The following CCDC88C variants were observed in gnomAD, a reference collection of about 807,000 sequenced individuals.
The protein encoded by CCDC88C is coiled-coil and HOOK domain protein 88C.
CCDC88C carries 131 observed loss-of-function variants against 198.8 expected under a neutral mutation model. The observed-to-expected ratio is 0.66, with a 90% confidence interval of 0.57 to 0.76. The LOEUF (loss-of-function observed/expected upper bound fraction) is 0.76, where lower values mean the gene tolerates loss of function less well. Among genes scored for constraint, CCDC88C ranks in the 30% least tolerant of loss-of-function variants. CCDC88C has a pLI of 0.00. For synonymous variants in CCDC88C, 1,166 were observed against 1,114.7 expected, an observed-to-expected ratio of 1.05 and a Z score of -0.92; for missense variants, 2,553 against 2,631.6, an observed-to-expected ratio of 0.97 and a Z score of 0.65.
chr14:91,369,332 A>G (rs181435754), intron 3 of CCDC88C, among the ~76,000 whole-genome samples: 249 of 152,116 alleles, frequency 1.6e-3, no homozygotes, highest in Admixed American at 3.8e-3. Context: ...TCAGCTTCCG[A>G]AGTAGCTGGG....
At chr14:91,309,289 T>C (rs74362162) in intron 16 of CCDC88C, among the ~76,000 whole-genome samples, 2,542 of 152,136 alleles carry the variant, frequency 0.017, 54 homozygotes, top group African/African-American at 0.058. Context: ...AAAACTGTAA[T>C]AGTCTAATTT....
chr14:91,297,549 G>T, intron 21 of CCDC88C, 58 bp from the exon 22 acceptor site: 2 of 1,520,872 alleles, frequency 1.3e-6, no homozygotes, highest in Non-Finnish European at 1.8e-6. Flanking sequence ...ACAGGTAACG[G>T]CCCAGAGACC....
intron 5 of CCDC88C, among the ~76,000 whole-genome samples, chr14:91,343,034 A>G (rs1369745411): frequency 6.6e-6 from 1 of 152,224 alleles, no homozygotes; most frequent in Non-Finnish European, 1.5e-5. Context: ...GGCTCACTGC[A>G]GCCTCAAACT....
intron 20 of CCDC88C, among the ~76,000 whole-genome samples, chr14:91,301,060 A>T (rs1193927320): frequency 1.3e-5 from 2 of 152,302 alleles, no homozygotes; most frequent in South Asian, 4.1e-4. Flanking sequence ...TTAATCAAGC[A>T]TGTCTCTAAC....
intron 3 of CCDC88C, among the ~76,000 whole-genome samples, chr14:91,393,281 T>C (rs1340979364): frequency 1.3e-5 from 2 of 152,112 alleles, no homozygotes; most frequent in East Asian, 1.9e-4. Context: ...AGCTGGGAGA[T>C]GACAGGTCCA....
At position 91,309,972 on chromosome 14, in the gene CCDC88C, C is replaced by T; in HGVS notation, c.2751G>A (p.Glu917=). The T allele has an allele frequency of 1.3e-6, 2 of 1,599,684 alleles. No individual in the cohort carries two copies. Among genetic ancestry groups the T allele is most frequent in the Non-Finnish European group, 1.7e-6 (2 of 1,173,324 alleles). The change falls in exon 16 of 30, where the codon GAG becomes GAA. Residue 917 remains glutamate, a synonymous_variant. Transcript: ENST00000389857. ...LTTLREDLVL[E]KLKSQQLSSE... is the part of the protein sequence containing the mutation. Reference sequence around the variant, plus strand: ...TGCTGAGCTGCTGGCTCTTCAGCTTCTCGAGCACCAGGTCCTGGAATGATG... The same window carrying T: ...TGCTGAGCTGCTGGCTCTTCAGCTTTTCGAGCACCAGGTCCTGGAATGATG...
chr14:91,313,263 C>T lies in CCDC88C; in HGVS notation c.2553G>A (p.Lys851=), dbSNP rs1051150148. Residue 851 remains lysine, a synonymous_variant, in exon 15 of 30, where the codon AAG becomes AAA. Coordinates refer to ENST00000389857, the MANE Select transcript of CCDC88C (RefSeq NM_001080414.4). This position sits in a 1 kb window ranked among gnomAD's most constrained non-coding sequence, Gnocchi z 5.2. Reference sequence around the variant, plus strand: ...CAGTGCTATCGTCCAAGACTGCATCCTTGAGCTCCACCTGCTGCCACAGCC... The same window carrying T: ...CAGTGCTATCGTCCAAGACTGCATCTTTGAGCTCCACCTGCTGCCACAGCC... ...AKRLWQQVEL[K]DAVLDDSTAK... The T allele has an allele frequency of 3.1e-6, 5 of 1,614,030 alleles. No homozygotes were observed. Among genetic ancestry groups the T allele is most frequent in the Admixed American group, 1.7e-5 (1 of 60,034 alleles).
rs1760133315 is a variant in CCDC88C, at chr14:91,288,150, AGTG to A, written c.4441+952_4441+954del. Among the ~76,000 whole-genome samples the A allele has an allele frequency of 6.6e-6, 1 of 152,244 alleles. No individual in the cohort carries two copies. Among genetic ancestry groups the A allele is most frequent in the Admixed American group, 6.5e-5 (1 of 15,284 alleles). On this transcript the variant is annotated intron_variant, in intron 25 of 29. Coordinates refer to ENST00000389857, the MANE Select transcript of CCDC88C (RefSeq NM_001080414.4). The surrounding 1 kb of genome is among the most constrained non-coding windows in gnomAD (Gnocchi z 4.2). ...CAACAAGAGCGTAAGAAAAATTCGA[AGTG>A]GTGGCCCTGTACCGTTTGATTGCCT...
chr14:91,401,127 A>G (rs928417249), intron 3 of CCDC88C, among the ~76,000 whole-genome samples: 1 of 149,974 alleles, frequency 6.7e-6, no homozygotes, highest in African/African-American at 2.4e-5. Flanking sequence ...ACACACACAC[A>G]AAGCAAGCAC....
rs1891525823 is a variant in CCDC88C, at chr14:91,305,706, G to A, written c.3357+59C>T. ...CCTAATGCCCCCAGTTGGTCCCCAG[G>A]AGCCACAGATAAACATCCCGCCAGG... On this transcript the variant is annotated intron_variant, in intron 19 of 29. Coordinates refer to ENST00000389857, the MANE Select transcript of CCDC88C (RefSeq NM_001080414.4). 4.8e-5 allele frequency: 74 copies of A among 1,537,162 alleles called. No individual in the cohort carries two copies. The South Asian group carries it at 7.1e-4, about 15-fold the overall frequency.
At chr14:91,380,099 C>G (rs553234011) in intron 3 of CCDC88C, among the ~76,000 whole-genome samples, 3 of 152,290 alleles carry the variant, frequency 2.0e-5, no homozygotes, top group South Asian at 2.1e-4. Flanking sequence ...GTCCCTCCCC[C>G]ACCTCATTCA....
At position 91,339,900 on chromosome 14, in the gene CCDC88C, C is replaced by G. The variant is rs890235261; in HGVS notation, c.608G>C (p.Arg203Pro). The G allele has an allele frequency of 6.3e-7, 1 of 1,589,422 alleles. No individual in the cohort carries two copies. The highest frequency in any genetic ancestry group is 1.3e-5 in the African/African-American group (1 of 74,278). Residue 203 changes from arginine to proline, a missense_variant, in exon 7 of 30, where the codon CGG becomes CCG. Transcript: ENST00000389857. This position sits in a 1 kb window ranked among gnomAD's most constrained non-coding sequence, Gnocchi z 5.8. ...CGGACGCACCTCGGTGCACTCGTCC[C>G]GCTGGTCGATGAGCCTCCGCAGGTG... ...VLHLRRLIDQRDECTELIVDL... is the reference protein window; with the variant it reads ...VLHLRRLIDQPDECTELIVDL...
chr14:91,320,880 C>T (rs1323870697), intron 13 of CCDC88C, among the ~76,000 whole-genome samples: 1 of 152,174 alleles, frequency 6.6e-6, no homozygotes, highest in Non-Finnish European at 1.5e-5. Context: ...GTCACATGTC[C>T]GGGTCATCCT....
chr14:91,310,120 G>C, intron 15 of CCDC88C, 134 bp from the exon 16 acceptor site: 1 of 828,464 alleles, frequency 1.2e-6, no homozygotes, highest in Non-Finnish European at 1.8e-6. Context: ...AGGGGACTCT[G>C]AACCCCAGGG....
intron 3 of CCDC88C, among the ~76,000 whole-genome samples, chr14:91,400,661 C>T (rs909949244): frequency 6.6e-6 from 1 of 152,256 alleles, no homozygotes; most frequent in African/African-American, 2.4e-5. Context: ...GCAAACACAA[C>T]CTCAGGACCT....
chr14:91,374,326 G>T lies in CCDC88C; in HGVS notation c.271-14615C>A, dbSNP rs186103745. Among the ~76,000 whole-genome samples the T allele has an allele frequency of 3.0e-4, 45 of 152,342 alleles. 1 individual carries two copies. Among genetic ancestry groups the T allele is most frequent in the Middle Eastern group, 3.4e-3 (1 of 294 alleles). On this transcript the variant is annotated intron_variant, in intron 3 of 29. Transcript: ENST00000389857. The stretch of plus-strand genomic sequence containing the variant: ...GCAGTAGCAGGGTTAAGTCCACCAG[G>T]TATCTGCTAATGCAAGGTCCATTTG...
chr14:91,335,841 T>C (rs1328627947), intron 10 of CCDC88C, among the ~76,000 whole-genome samples: 1 of 152,186 alleles, frequency 6.6e-6, no homozygotes, highest in African/African-American at 2.4e-5. Flanking sequence ...ACTATTCCAA[T>C]CTGAGAACAG....
chr14:91,366,168 ACACAC>A (rs1894531770), intron 3 of CCDC88C, among the ~76,000 whole-genome samples: 1 of 132,946 alleles, frequency 7.5e-6, no homozygotes, highest in African/African-American at 4.1e-5. Context: ...ACACACACAC[ACACAC>A]ACACACACAC....
chr14:91,360,539 CT>C (rs1894264617), intron 3 of CCDC88C, among the ~76,000 whole-genome samples: 1 of 152,206 alleles, frequency 6.6e-6, no homozygotes, highest in East Asian at 1.9e-4. Context: ...CTAAGCAGGT[CT>C]TTGGTACAAG....
Sources: allele counts gnomAD v4.1 joint callset (sites outside exome capture counted in the v4.1 genomes callset), GRCh38; gene constraint gnomAD v4.1.1; non-coding constraint Gnocchi (gnomAD v3.1); transcripts MANE v1.5; gene names NCBI Gene and HGNC (gene_info 2026-07-23, HGNC 2026-07-21).